The following KCNG3 variants were observed in gnomAD, a reference collection of about 807,000 sequenced individuals.
The protein encoded by KCNG3 is voltage-gated potassium channel regulatory subunit KCNG3.
In KCNG3, 15 loss-of-function variants were observed where a neutral mutation model predicts 29.0. The ratio of observed to expected loss-of-function variants is 0.52; its 90% CI spans 0.35 to 0.80. The LOEUF (loss-of-function observed/expected upper bound fraction) is 0.80. Among genes scored for constraint, KCNG3 ranks in the 30% least tolerant of loss-of-function variants. KCNG3 has a pLI of 0.01. For synonymous variants in KCNG3, 322 were observed against 248.9 expected, an observed-to-expected ratio of 1.29 and a Z score of -2.76; for missense variants, 512 against 605.7, an observed-to-expected ratio of 0.85 and a Z score of 1.62.
At chr2:42,454,087 CTATA>C (rs2103677943) in intron 1 of KCNG3, among the ~76,000 whole-genome samples, 1 of 89,498 alleles carries the variant, frequency 1.1e-5, no homozygotes, top group African/African-American at 5.7e-5. Context: ...AGGATGGCTA[CTATA>C]CCAAAAAAAA....
the KCNG3 span, among the ~76,000 whole-genome samples, chr2:42,412,541 A>AT: frequency 2.6e-5 from 4 of 152,150 alleles, no homozygotes; most frequent in Non-Finnish European, 4.4e-5. Context: ...GTCAAATTCT[A>AT]TTAGGTTTGT....
chr2:42,444,094 A>C lies in KCNG3; in HGVS notation c.1151T>G (p.Val384Gly), dbSNP rs771818551. ...VGYGDMYPIT[V>G]PGRILGGVCV... ...AACTCCTCCAAGAATTCTTCCAGGC[A>C]CTGTGATAGGATACATATCTCCATA... The change falls in exon 2 of 2, where the codon GTG becomes GGG. Residue 384 changes from valine to glycine, a missense_variant. By Grantham distance (109) the Val-to-Gly change is moderately radical (BLOSUM62 -3). Around this residue, in one of 5 missense-constraint regions of KCNG3, gnomAD observed 173 missense variants for 262.4 expected, o/e 0.66. Coordinates refer to ENST00000306078, the MANE Select transcript of KCNG3 (RefSeq NM_133329.6). The surrounding 1 kb of genome is among the most constrained non-coding windows in gnomAD (Gnocchi z 5.8). The C allele has an allele frequency of 6.2e-7, 1 of 1,614,180 alleles. No individual in the cohort carries two copies. Among genetic ancestry groups the C allele is most frequent in the Non-Finnish European group, 8.5e-7 (1 of 1,180,030 alleles).
At chr2:42,489,348 C>T (rs1395371703) in intron 1 of KCNG3, among the ~76,000 whole-genome samples, 1 of 152,102 alleles carries the variant, frequency 6.6e-6, no homozygotes, top group African/African-American at 2.4e-5. Flanking sequence ...TTGATCGCAC[C>T]ACTGCACTCC....
chr2:42,395,790 T>C, the KCNG3 span, among the ~76,000 whole-genome samples: 1 of 151,578 alleles, frequency 6.6e-6, no homozygotes, highest in African/African-American at 2.4e-5. Flanking sequence ...CCCATCTTTA[T>C]AAAAAATTTT....
intron 1 of KCNG3, among the ~76,000 whole-genome samples, chr2:42,484,705 A>G (rs1411620478): frequency 2.0e-5 from 3 of 152,362 alleles, no homozygotes; most frequent in Admixed American, 2.0e-4. Context: ...TTCTAATTTT[A>G]CAAATATAAA....
intron 1 of KCNG3, among the ~76,000 whole-genome samples, chr2:42,464,242 A>G (rs1257982172): frequency 6.6e-6 from 1 of 152,098 alleles, no homozygotes; most frequent in Non-Finnish European, 1.5e-5. Context: ...CTACGCACAC[A>G]AAGTTTCCAA....
the KCNG3 span, among the ~76,000 whole-genome samples, chr2:42,391,595 C>CTTTTTTTT: frequency 3.9e-4 from 34 of 88,108 alleles, no homozygotes; most frequent in South Asian, 5.1e-4. Flanking sequence ...TTTTATATCT[C>CTTTTTTTT]TTTTTTTTTT....
chr2:42,396,091 A>C, the KCNG3 span, among the ~76,000 whole-genome samples: 1 of 152,284 alleles, frequency 6.6e-6, no homozygotes, highest in Non-Finnish European at 1.5e-5. Flanking sequence ...CTATTTTATA[A>C]TAAAGCATTG....
chr2:42,414,693 T>C, the KCNG3 span, among the ~76,000 whole-genome samples: 5 of 152,182 alleles, frequency 3.3e-5, no homozygotes, highest in Admixed American at 6.5e-5. Flanking sequence ...TATTTCCTTC[T>C]AGGAAACCCT....
intron 1 of KCNG3, among the ~76,000 whole-genome samples, chr2:42,488,924 T>C (rs951624456): frequency 4.0e-5 from 6 of 151,882 alleles, no homozygotes; most frequent in African/African-American, 1.5e-4. Context: ...ATATAAACAA[T>C]AGATATTTAT....
At chr2:42,481,999 T>A (rs1285634267) in intron 1 of KCNG3, among the ~76,000 whole-genome samples, 2 of 152,324 alleles carry the variant, frequency 1.3e-5, no homozygotes, top group Admixed American at 6.5e-5. Context: ...ACATTGTGTT[T>A]TTTCTTTTGA....
intron 1 of KCNG3, among the ~76,000 whole-genome samples, chr2:42,459,057 G>A (rs1558378869): frequency 1.3e-5 from 2 of 152,056 alleles, no homozygotes; most frequent in South Asian, 2.1e-4. Flanking sequence ...TTAGCTGGGC[G>A]TGGTGGCACA....
the KCNG3 span, among the ~76,000 whole-genome samples, chr2:42,399,188 C>G: frequency 6.6e-6 from 1 of 151,370 alleles, no homozygotes; most frequent in East Asian, 1.9e-4. Context: ...TTCCGAGTAG[C>G]TGGGACCATA....
chr2:42,444,058 C>A lies in KCNG3; in HGVS notation c.1187G>T (p.Ser396Ile). ...GRILGGVCVV[S>I]GIVLLALPIT... The stretch of plus-strand genomic sequence containing the variant: ...AGGTAATGCCAATAGAACAATTCCA[C>A]TGACAACACAAACTCCTCCAAGAAT... The change falls in exon 2 of 2, where the codon AGT becomes ATT. Residue 396 changes from serine to isoleucine, a missense_variant. Ser to Ile is a moderately radical substitution (Grantham distance 142). Around this residue, in one of 5 missense-constraint regions of KCNG3, gnomAD observed 173 missense variants for 262.4 expected, o/e 0.66. Transcript: ENST00000306078. The surrounding 1 kb of genome is among the most constrained non-coding windows in gnomAD (Gnocchi z 5.8). 6.2e-7 allele frequency: 1 copy of A among 1,614,208 alleles called. No homozygotes were observed. Among genetic ancestry groups the A allele is most frequent in the Non-Finnish European group, 8.5e-7 (1 of 1,180,038 alleles).
At chr2:42,472,745 C>G (rs113540376) in intron 1 of KCNG3, among the ~76,000 whole-genome samples, 1 of 151,748 alleles carries the variant, frequency 6.6e-6, no homozygotes, top group African/African-American at 2.4e-5. Flanking sequence ...GGTGATATAC[C>G]CGCCTCGGCC....
the KCNG3 span, among the ~76,000 whole-genome samples, chr2:42,436,806 G>A: frequency 1.3e-5 from 2 of 152,180 alleles, no homozygotes; most frequent in Non-Finnish European, 2.9e-5. Flanking sequence ...GTCAAACATT[G>A]TAATTCCTCA....
chr2:42,403,353 T>G, the KCNG3 span, among the ~76,000 whole-genome samples: 1 of 152,108 alleles, frequency 6.6e-6, no homozygotes, highest in African/African-American at 2.4e-5. Flanking sequence ...ATGTTGTCCA[T>G]GCTGGTCTCG....
chr2:42,470,516 T>A (rs1008948630), intron 1 of KCNG3, among the ~76,000 whole-genome samples: 17 of 152,042 alleles, frequency 1.1e-4, no homozygotes, highest in African/African-American at 3.4e-4. Flanking sequence ...TTAAAATAAA[T>A]AAATAAGACA....
At chr2:42,452,243 A>ATATATATATATATAT in intron 1 of KCNG3, among the ~76,000 whole-genome samples, 137 of 95,032 alleles carry the variant, frequency 1.4e-3, no homozygotes, top group East Asian at 0.011. Context: ...ATATATATAT[A>ATATATATATATATAT]TTTTTTTTTT....
Sources: allele counts gnomAD v4.1 joint callset (sites outside exome capture counted in the v4.1 genomes callset), GRCh38; gene constraint gnomAD v4.1.1; regional missense constraint gnomAD v4.1.1; non-coding constraint Gnocchi (gnomAD v3.1); transcripts MANE v1.5; gene names NCBI Gene and HGNC (gene_info 2026-07-23, HGNC 2026-07-21).